Variants in CCSER1 observed in about 807,000 individuals in gnomAD.
CCSER1 encodes the protein coiled-coil serine rich protein 1.
A neutral mutation model predicts 82.0 loss-of-function variants in CCSER1; 41 were observed. The observed-to-expected ratio is 0.50, with a 90% CI of 0.39 to 0.65. The LOEUF is 0.65. CCSER1 is among the 30% of genes least tolerant of loss of function. The pLI is 0.00. For synonymous variants in CCSER1, 414 were observed against 383.9 expected, an observed-to-expected ratio of 1.08 and a Z score of -0.92; for missense variants, 1,119 against 1,064.2, an observed-to-expected ratio of 1.05 and a Z score of -0.72.
chr4:90,695,078 A>G (rs930439210), intron 6 of CCSER1, among the ~76,000 whole-genome samples: 1 of 148,418 alleles, frequency 6.7e-6, no homozygotes, highest in African/African-American at 2.5e-5. Context: ...ATATATATGT[A>G]TATATATTTG....
intron 10 of CCSER1, among the ~76,000 whole-genome samples, chr4:91,108,621 C>G (rs1265706454): frequency 1.3e-5 from 2 of 152,136 alleles, no homozygotes; most frequent in Non-Finnish European, 2.9e-5. Flanking sequence ...TTTGTTGAAA[C>G]ACAAGCAGTC....
chr4:90,998,106 G>A (rs1175247533), intron 9 of CCSER1, among the ~76,000 whole-genome samples: 1 of 151,574 alleles, frequency 6.6e-6, no homozygotes, highest in Non-Finnish European at 1.5e-5. Context: ...TTGAGATACA[G>A]TTTCTCTCTT....
chr4:90,568,427 T>C (rs1476060586), intron 5 of CCSER1, among the ~76,000 whole-genome samples: 1 of 152,230 alleles, frequency 6.6e-6, no homozygotes, highest in Non-Finnish European at 1.5e-5. Flanking sequence ...TTCTTGTCTC[T>C]TTTTACACTT....
intron 10 of CCSER1, among the ~76,000 whole-genome samples, chr4:91,308,285 C>T (rs1745217536): frequency 6.6e-6 from 1 of 151,816 alleles, no homozygotes; most frequent in African/African-American, 2.4e-5. Context: ...TTACAAGTGA[C>T]AGGGCTGACT....
chr4:90,245,497 C>T (rs995890099), intron 1 of CCSER1, among the ~76,000 whole-genome samples: 2 of 152,094 alleles, frequency 1.3e-5, no homozygotes, highest in Non-Finnish European at 2.9e-5. Flanking sequence ...TTGGACTTAT[C>T]GCATGCTCTT....
At chr4:90,737,342 C>T (rs531603620) in intron 7 of CCSER1, among the ~76,000 whole-genome samples, 4 of 152,238 alleles carry the variant, frequency 2.6e-5, no homozygotes, top group African/African-American at 9.6e-5. Context: ...TGACTGAGAA[C>T]ATCTTTATTT....
At chr4:90,784,981 G>A (rs1291667959) in intron 7 of CCSER1, among the ~76,000 whole-genome samples, 1 of 152,150 alleles carries the variant, frequency 6.6e-6, no homozygotes, top group Non-Finnish European at 1.5e-5. Flanking sequence ...GGAACAGGAA[G>A]ATGAAGGGTT....
chr4:90,725,235 GA>G (rs1369558061), intron 7 of CCSER1, among the ~76,000 whole-genome samples: 2 of 151,608 alleles, frequency 1.3e-5, no homozygotes, highest in African/African-American at 4.8e-5. Flanking sequence ...AACTTCGCCA[GA>G]AACCATTTTT....
chr4:91,100,558 G>T (rs367943528), intron 10 of CCSER1, among the ~76,000 whole-genome samples: 1 of 152,076 alleles, frequency 6.6e-6, no homozygotes, highest in Non-Finnish European at 1.5e-5. Context: ...CGGTTCTGAG[G>T]TAGCAAATCC....
At chr4:90,498,333 T>C (rs914958747) in intron 5 of CCSER1, among the ~76,000 whole-genome samples, 2 of 152,184 alleles carry the variant, frequency 1.3e-5, no homozygotes, top group African/African-American at 2.4e-5. Flanking sequence ...ATTTTCAGAC[T>C]GTGATCGACT....
At chr4:90,365,549 CAGTT>C (rs1746142173) in intron 3 of CCSER1, among the ~76,000 whole-genome samples, 1 of 151,748 alleles carries the variant, frequency 6.6e-6, no homozygotes, top group African/African-American at 2.4e-5. Context: ...GTGTGCCTGT[CAGTT>C]AATTCACTGC....
intron 10 of CCSER1, among the ~76,000 whole-genome samples, chr4:91,481,235 T>C (rs1252626998): frequency 1.3e-5 from 2 of 151,978 alleles, no homozygotes; most frequent in Non-Finnish European, 2.9e-5. Context: ...ATTGGGTGGC[T>C]CAACAACAGA....
chr4:90,640,821 T>C (rs368227979), intron 6 of CCSER1, among the ~76,000 whole-genome samples: 399 of 152,322 alleles, frequency 2.6e-3, no homozygotes, highest in African/African-American at 9.2e-3. Context: ...TCTTCCACCA[T>C]GACTGTAAGT....
intron 8 of CCSER1, among the ~76,000 whole-genome samples, chr4:90,912,827 A>G (rs1049131079): frequency 3.9e-5 from 6 of 152,204 alleles, no homozygotes; most frequent in African/African-American, 1.4e-4. Context: ...TGTCACGAGA[A>G]CTACGTGACG....
intron 1 of CCSER1, among the ~76,000 whole-genome samples, chr4:90,170,825 C>A (rs912336866): frequency 1.3e-5 from 2 of 151,722 alleles, no homozygotes; most frequent in African/African-American, 4.8e-5. Flanking sequence ...CTGCAATAAA[C>A]ATGGGAGTGC....
chr4:90,760,574 A>G (rs1385076578), intron 7 of CCSER1, among the ~76,000 whole-genome samples: 1 of 152,118 alleles, frequency 6.6e-6, no homozygotes, highest in Non-Finnish European at 1.5e-5. Context: ...TTAGTTTATG[A>G]TAATAATACT....
intron 5 of CCSER1, among the ~76,000 whole-genome samples, chr4:90,549,886 G>C (rs1373153599): frequency 6.6e-6 from 1 of 151,522 alleles, no homozygotes; most frequent in Non-Finnish European, 1.5e-5. Flanking sequence ...AATAATGTAA[G>C]GAAAATTTAA....
chr4:90,239,643 A>T (rs995802972), intron 1 of CCSER1, among the ~76,000 whole-genome samples: 2 of 152,000 alleles, frequency 1.3e-5, no homozygotes, highest in African/African-American at 4.8e-5. Context: ...TCAGCTAATT[A>T]TTTTTAATTT....
At chr4:91,024,331 AAAAC>A (rs1391316086) in intron 9 of CCSER1, among the ~76,000 whole-genome samples, 2 of 152,232 alleles carry the variant, frequency 1.3e-5, no homozygotes, top group African/African-American at 4.8e-5. Context: ...GCTAATAACA[AAAAC>A]AGAAAACTAT....
Sources: gnomAD v4.1 joint callset for allele counts (sites outside exome capture counted in the v4.1 genomes callset) on GRCh38, gnomAD v4.1.1 for gene constraint, MANE v1.5 for transcripts, NCBI Gene and HGNC (gene_info 2026-07-23, HGNC 2026-07-21) for gene names.